The following ANO3 variants were observed in gnomAD, a reference collection of about 807,000 sequenced individuals.
ANO3 encodes anoctamin-3.
A neutral mutation model predicts 144.8 loss-of-function variants in ANO3; 99 were observed. The observed-to-expected ratio is 0.68, with a 90% CI of 0.58 to 0.81. The LOEUF is 0.81. Among genes scored for constraint, ANO3 ranks in the 30% least tolerant of loss-of-function variants. The pLI is 0.00. For synonymous variants in ANO3, 414 were observed against 392.6 expected, an observed-to-expected ratio of 1.05 and a Z score of -0.64; for missense variants, 905 against 1,202.2, an observed-to-expected ratio of 0.75 and a Z score of 3.66.
chr11:26,597,605 T>G (rs1210573776), intron 14 of ANO3, among the ~76,000 whole-genome samples: 1 of 152,120 alleles, frequency 6.6e-6, no homozygotes, highest in Admixed American at 6.5e-5. Flanking sequence ...CAGAAGAGTG[T>G]GCAGTTGCAA....
chr11:26,402,194 CTT>C (rs1383489806), intron 1 of ANO3, among the ~76,000 whole-genome samples: 1 of 151,664 alleles, frequency 6.6e-6, no homozygotes, highest in South Asian at 2.1e-4. Context: ...TGGGATTTGT[CTT>C]TTCTTTGAGG....
intron 1 of ANO3, among the ~76,000 whole-genome samples, chr11:26,226,240 T>A (rs1233463674): frequency 6.6e-6 from 1 of 152,114 alleles, no homozygotes; most frequent in African/African-American, 2.4e-5. Context: ...TGTGGCATAT[T>A]TTGTTTTAGT....
chr11:26,590,717 T>A (rs1247690910), intron 14 of ANO3, among the ~76,000 whole-genome samples: 1 of 152,200 alleles, frequency 6.6e-6, no homozygotes, highest in Non-Finnish European at 1.5e-5. Flanking sequence ...AGCCTCTAGC[T>A]GGATCCAGAG....
chr11:26,277,240 TTGTGTG>T (rs1207226022), intron 1 of ANO3, among the ~76,000 whole-genome samples: 3 of 152,050 alleles, frequency 2.0e-5, no homozygotes, highest in Non-Finnish European at 4.4e-5. Context: ...AAGTAATGCA[TTGTGTG>T]TGTGTTTAGT....
At chr11:26,516,237 A>G (rs1284782256) in intron 5 of ANO3, among the ~76,000 whole-genome samples, 1 of 151,714 alleles carries the variant, frequency 6.6e-6, no homozygotes, top group Admixed American at 6.6e-5. Context: ...AGTCAAAGAC[A>G]CTTTAGTTCT....
At chr11:26,407,438 T>C (rs1407328447) in intron 1 of ANO3, among the ~76,000 whole-genome samples, 1 of 151,836 alleles carries the variant, frequency 6.6e-6, no homozygotes, top group Non-Finnish European at 1.5e-5. Flanking sequence ...TGTTCTTCTA[T>C]ATTTAGTATT....
chr11:26,502,577 G>A lies in ANO3; in HGVS notation c.433-5527G>A, dbSNP rs189571272. 2.0e-3 allele frequency among the ~76,000 whole-genome samples: 297 copies of A among 152,214 alleles called. 4 individuals carry two copies. The highest frequency in any genetic ancestry group is 0.019 in the Admixed American group (288 of 15,296). ...TATATGTGCTGGATAAAGACTGGCT[G>A]TGGTAAATTCACAAAGATTATATAA... On this transcript the variant is annotated intron_variant, in intron 4 of 26. Transcript: ENST00000256737.
chr11:26,330,103 CA>C (rs937497925), upstream of ANO3, among the ~76,000 whole-genome samples: 1 of 152,114 alleles, frequency 6.6e-6, no homozygotes, highest in African/African-American at 2.4e-5. Flanking sequence ...ATGAGATCTA[CA>C]GGGGTCATAA....
At chr11:26,622,429 T>TA (rs1374169904) in intron 17 of ANO3, among the ~76,000 whole-genome samples, 2 of 92,014 alleles carry the variant, frequency 2.2e-5, no homozygotes, top group African/African-American at 7.1e-5. Flanking sequence ...AAGCCATCTC[T>TA]GAAAAAAAAA....
intron 4 of ANO3, among the ~76,000 whole-genome samples, chr11:26,497,493 C>T (rs1861011601): frequency 6.6e-6 from 1 of 152,012 alleles, no homozygotes; most frequent in South Asian, 2.1e-4. Flanking sequence ...TTACACCAGA[C>T]CGATGTTGTA....
intron 1 of ANO3, among the ~76,000 whole-genome samples, chr11:26,413,903 C>T: frequency 6.6e-6 from 1 of 152,068 alleles, no homozygotes; most frequent in East Asian, 1.9e-4. Flanking sequence ...AAATTAAGTA[C>T]AGTCAACATA....
chr11:26,559,570 C>T, intron 13 of ANO3, 149 bp from the exon 14 acceptor site: 1 of 606,824 alleles, frequency 1.6e-6, no homozygotes, highest in Non-Finnish European at 2.9e-6. Context: ...TTGCAAGACC[C>T]ATGAAAGGAA....
intron 1 of ANO3, among the ~76,000 whole-genome samples, chr11:26,218,283 G>A (rs1489262027): frequency 6.6e-6 from 1 of 152,074 alleles, no homozygotes; most frequent in Non-Finnish European, 1.5e-5. Context: ...CATGGTAGCT[G>A]TGCTTAGTAG....
intron 1 of ANO3, among the ~76,000 whole-genome samples, chr11:26,202,384 C>A (rs992427927): frequency 6.8e-6 from 1 of 147,164 alleles, no homozygotes; most frequent in Non-Finnish European, 1.5e-5. Context: ...ATATATATAT[C>A]TTAAGAATCC....
upstream of ANO3, chr11:26,309,596 A>G: frequency 9.1e-6 from 8 of 881,736 alleles, no homozygotes; most frequent in Non-Finnish European, 1.1e-5. Context: ...TTTCTGGTCT[A>G]CTGAGTTTCT....
At chr11:26,338,701 A>G (rs561565377) in intron 1 of ANO3, among the ~76,000 whole-genome samples, 4 of 151,592 alleles carry the variant, frequency 2.6e-5, no homozygotes, top group Non-Finnish European at 5.9e-5. Flanking sequence ...GAACCCCCCC[A>G]CTGGGAGAAA....
At chr11:26,277,248 G>T (rs1486372772) in intron 1 of ANO3, among the ~76,000 whole-genome samples, 1 of 152,016 alleles carries the variant, frequency 6.6e-6, no homozygotes, top group East Asian at 1.9e-4. Flanking sequence ...CATTGTGTGT[G>T]TGTTTAGTGA....
intron 17 of ANO3, among the ~76,000 whole-genome samples, chr11:26,602,418 T>C (rs1372789786): frequency 6.6e-6 from 1 of 151,980 alleles, no homozygotes; most frequent in Non-Finnish European, 1.5e-5. Context: ...TTTATCGATA[T>C]AAAGGAGATT....
chr11:26,344,890 A>C (rs1432963598), intron 1 of ANO3, among the ~76,000 whole-genome samples: 1 of 152,192 alleles, frequency 6.6e-6, no homozygotes, highest in African/African-American at 2.4e-5. Context: ...CTAGAGTTTA[A>C]ATCATGGATA....
Sources: allele counts gnomAD v4.1 joint callset (sites outside exome capture counted in the v4.1 genomes callset), GRCh38; gene constraint gnomAD v4.1.1; transcripts MANE v1.5; gene names NCBI Gene and HGNC (gene_info 2026-07-23, HGNC 2026-07-21).